Variants in RFX4 observed in about 807,000 individuals in gnomAD.
RFX4 encodes the protein transcription factor RFX4.
In RFX4, 10 loss-of-function variants were observed where a neutral mutation model predicts 95.0. That is an observed-to-expected ratio of 0.11 (90% CI 0.06 to 0.18). RFX4 has a LOEUF of 0.18. RFX4 is among the 10% of genes least tolerant of loss of function. RFX4 has a pLI of 1.00. For synonymous variants in RFX4, 321 were observed against 340.7 expected, an observed-to-expected ratio of 0.94 and a Z score of 0.64; for missense variants, 640 against 922.0, an observed-to-expected ratio of 0.69 and a Z score of 3.96.
chr12:106,608,821 A>G lies in RFX4; in HGVS notation c.68A>G (p.Asn23Ser), dbSNP rs781497783. ...GAGAGCTGGATTGAAAGATGTCTCA[A>G]CGAAAGTGAAAACAAACGTTATTCC... Reference protein sequence around the residue: ...STESWIERCLNESENKRYSSH... With the variant: ...STESWIERCLSESENKRYSSH... The change falls in exon 2 of 18, where the codon AAC (asparagine) becomes AGC (serine). Residue 23 changes from asparagine (N) to serine (S), a missense_variant. Physicochemically the swap from Asn to Ser is conservative, Grantham distance 46. Around this residue, in one of 7 missense-constraint regions of RFX4, gnomAD observed 63 missense variants for 68.8 expected, o/e 0.92. Transcript: ENST00000392842. 6.2e-7 allele frequency: 1 copy of G among 1,610,034 alleles called. No individual in the cohort carries two copies. The highest frequency in any genetic ancestry group is 8.5e-7 in the Non-Finnish European group (1 of 1,179,184).
intron 11 of RFX4, 156 bp downstream of exon 11, chr12:106,715,700 G>T (rs908117150): frequency 1.2e-6 from 1 of 817,208 alleles, no homozygotes; most frequent in African/African-American, 1.7e-5. Context: ...AGTCAGTCCA[G>T]AAGGAAGGGC....
chr12:106,600,161 G>A (rs1391707027), intron 1 of RFX4, among the ~76,000 whole-genome samples: 2 of 152,276 alleles, frequency 1.3e-5, no homozygotes, highest in African/African-American at 2.4e-5. Context: ...CAGGAAACAC[G>A]TGTTGATACC....
At chr12:106,585,158 C>A (rs1383466629) in intron 1 of RFX4, among the ~76,000 whole-genome samples, 1 of 152,244 alleles carries the variant, frequency 6.6e-6, no homozygotes, top group Non-Finnish European at 1.5e-5. Flanking sequence ...GACATAGGGT[C>A]TCCCTACATC....
rs372795370 is a variant in RFX4 at position 106,732,971 on chromosome 12, C to A, written c.1519C>A (p.Pro507Thr). The part of the protein sequence containing the change: ...IILTEAAAPT[P>T]SPVPSFSPAK... ...CTTGACAGAGGCTGCCGCACCAACC[C>A]CTTCACCAGTGCCATCGTTTTCTCC... Residue 507 changes from proline (P) to threonine (T), a missense_variant, in exon 15 of 18, where the codon CCT becomes ACT. By Grantham distance (38) the Pro-to-Thr change is conservative. Coordinates refer to ENST00000392842, the MANE Select transcript of RFX4 (RefSeq NM_213594.3). 6.2e-7 allele frequency: 1 copy of A among 1,614,146 alleles called. No homozygotes were observed.
chr12:106,689,782 C>T (rs1233285835), intron 7 of RFX4, among the ~76,000 whole-genome samples: 8 of 152,222 alleles, frequency 5.3e-5, no homozygotes, highest in Middle Eastern at 3.4e-3. Flanking sequence ...CACTTGGGTA[C>T]ATTTGGAGCT....
Position 106,684,713 on chromosome 12 carries a change from G to A in RFX4, c.378-2171G>A, listed in dbSNP as rs2041603812. 5 of 1,493,236 alleles carry A rather than the reference G, an allele frequency of 3.3e-6. No homozygotes were observed. The African/African-American group carries it at 7.0e-5, about 21-fold the overall frequency. 92.5% of individuals were successfully genotyped at this position (1,493,236 alleles called of 1,614,324 possible). On this transcript the variant is annotated intron_variant, in intron 5 of 17. Coordinates refer to ENST00000392842, the MANE Select transcript of RFX4 (RefSeq NM_213594.3). ...CCACCCACAGAGTGAGTTCCAGGTG[G>A]GAAGGCAGTTATGACAGTTGAGAAG...
At chr12:106,706,489 T>G (rs1321112916) in intron 8 of RFX4, among the ~76,000 whole-genome samples, 1 of 152,046 alleles carries the variant, frequency 6.6e-6, no homozygotes, top group Non-Finnish European at 1.5e-5. Flanking sequence ...GGGAAGTAAT[T>G]TGGAAGCAAA....
chr12:106,675,674 C>T (rs1352852890), intron 4 of RFX4, among the ~76,000 whole-genome samples: 2 of 152,058 alleles, frequency 1.3e-5, no homozygotes, highest in African/African-American at 4.8e-5. Context: ...GGTCACCCAA[C>T]AAGTGGCCCA....
chr12:106,669,837 GGGGTGT>G (rs1236069937), intron 4 of RFX4, among the ~76,000 whole-genome samples: 12 of 54,488 alleles, frequency 2.2e-4, no homozygotes, highest in East Asian at 5.1e-4. Context: ...GTTTTTTCTA[GGGGTGT>G]GTGTGTGTGT....
Position 106,639,370 on chromosome 12 carries a change from T to C in RFX4, c.169T>C (p.Ser57Pro). The C allele has an allele frequency of 6.2e-7, 1 of 1,613,822 alleles. No individual in the cohort carries two copies. Among genetic ancestry groups the C allele is most frequent in the South Asian group, 1.1e-5 (1 of 91,046 alleles). Residue 57 changes from serine (S) to proline (P), a missense_variant, in exon 3 of 18, where the codon TCC becomes CCC. By Grantham distance (74) the Ser-to-Pro change is moderately conservative. Coordinates refer to ENST00000392842, the MANE Select transcript of RFX4 (RefSeq NM_213594.3). ...AAATAATAGAGCATCCAAGCCCCACTCCACTCCTGCTACTCTGCAATGGTA... is the reference window on the plus strand; with the variant it reads ...AAATAATAGAGCATCCAAGCCCCACCCCACTCCTGCTACTCTGCAATGGTA... ...KENNRASKPH[S>P]TPATLQWLEE...
chr12:106,658,005 T>C (rs2040994518), intron 4 of RFX4, among the ~76,000 whole-genome samples: 1 of 152,176 alleles, frequency 6.6e-6, no homozygotes, highest in East Asian at 1.9e-4. Flanking sequence ...GCATTATATA[T>C]ACGTAATGAT....
intron 4 of RFX4, among the ~76,000 whole-genome samples, chr12:106,658,270 A>G (rs1434396515): frequency 6.6e-6 from 1 of 152,192 alleles, no homozygotes; most frequent in Admixed American, 6.5e-5. Flanking sequence ...TTTACTGAGT[A>G]GAAATGAACT....
chr12:106,714,358 C>T (rs1054176453), intron 10 of RFX4, among the ~76,000 whole-genome samples: 11 of 152,118 alleles, frequency 7.2e-5, no homozygotes, highest in Non-Finnish European at 1.5e-4. Flanking sequence ...CAGTTGTTTT[C>T]ATTATCATTA....
intron 1 of RFX4, among the ~76,000 whole-genome samples, chr12:106,589,455 T>C (rs1276080827): frequency 6.6e-6 from 1 of 152,176 alleles, no homozygotes; most frequent in East Asian, 1.9e-4. Context: ...TCTTGCTGAG[T>C]ACCTACCATG....
intron 2 of RFX4, among the ~76,000 whole-genome samples, chr12:106,610,324 T>A (rs1446142316): frequency 6.6e-6 from 1 of 152,118 alleles, no homozygotes; most frequent in African/African-American, 2.4e-5. Flanking sequence ...AACATAAAAT[T>A]TAGTATTTAA....
chr12:106,709,009 G>A (rs968026701), intron 8 of RFX4, among the ~76,000 whole-genome samples: 4 of 152,118 alleles, frequency 2.6e-5, no homozygotes, highest in South Asian at 2.1e-4. Flanking sequence ...TAAGGCCCAC[G>A]GCCCACTGTC....
At chr12:106,592,617 C>A (rs2039564563) in intron 1 of RFX4, among the ~76,000 whole-genome samples, 1 of 152,022 alleles carries the variant, frequency 6.6e-6, no homozygotes, top group African/African-American at 2.4e-5. Context: ...TGCCTTCCCC[C>A]CACCCCAGCC....
intron 1 of RFX4, among the ~76,000 whole-genome samples, chr12:106,599,888 G>A (rs1565944909): frequency 6.6e-6 from 1 of 151,944 alleles, no homozygotes. Context: ...GTTCAGGTTT[G>A]GATGATAAGG....
chr12:106,706,240 G>A (rs1357865532), intron 8 of RFX4, among the ~76,000 whole-genome samples: 2 of 152,250 alleles, frequency 1.3e-5, no homozygotes, highest in African/African-American at 2.4e-5. Context: ...AAGGTGCAAG[G>A]TGGGGCCTTG....
Sources: allele counts gnomAD v4.1 joint callset (sites outside exome capture counted in the v4.1 genomes callset), GRCh38; gene constraint gnomAD v4.1.1; regional missense constraint gnomAD v4.1.1; transcripts MANE v1.5; gene names NCBI Gene and HGNC (gene_info 2026-07-23, HGNC 2026-07-21).